DLG2: variants seen among roughly 807,000 people sequenced by gnomAD.
DLG2 encodes the protein disks large homolog 2.
DLG2 carries 45 observed loss-of-function variants against 132.5 expected under a neutral mutation model. The ratio of observed to expected loss-of-function variants is 0.34; its 90% CI spans 0.27 to 0.44. DLG2 has a LOEUF of 0.44. Among genes scored for constraint, DLG2 ranks in the 20% least tolerant of loss-of-function variants. The probability of loss-of-function intolerance (pLI) is 1.00; values close to 1 mark genes in which losing one functional copy is unlikely to be tolerated. For missense variants in DLG2, 1,045 were observed against 1,196.9 expected (o/e 0.87, Z 1.87); for synonymous variants, 424 against 419.6 (o/e 1.01, Z -0.13).
intron 6 of DLG2, among the ~76,000 whole-genome samples, chr11:84,879,662 C>T (rs2086971021): frequency 6.6e-6 from 1 of 152,066 alleles, no homozygotes. Flanking sequence ...GTTTTTAGGG[C>T]TAGGACGTTC....
chr11:85,367,604 A>T (rs2152911134), intron 3 of DLG2, among the ~76,000 whole-genome samples: 1 of 152,286 alleles, frequency 6.6e-6, no homozygotes, highest in Non-Finnish European at 1.5e-5. Flanking sequence ...TCATATGCTA[A>T]TTATGTGCAT....
intron 6 of DLG2, among the ~76,000 whole-genome samples, chr11:85,030,693 T>C (rs1230460732): frequency 1.3e-5 from 2 of 152,210 alleles, no homozygotes; most frequent in Non-Finnish European, 1.5e-5. Context: ...ATAATCCATA[T>C]GTAATCATGA....
intron 6 of DLG2, among the ~76,000 whole-genome samples, chr11:85,008,569 A>T (rs2058894931): frequency 6.6e-6 from 1 of 152,152 alleles, no homozygotes; most frequent in Non-Finnish European, 1.5e-5. Context: ...GTATATTTTA[A>T]CTCAATTAAA....
At chr11:83,633,781 C>CACA (rs1491279264) in intron 18 of DLG2, among the ~76,000 whole-genome samples, 4 of 146,082 alleles carry the variant, frequency 2.7e-5, no homozygotes, top group Non-Finnish European at 6.0e-5. Context: ...CACACACACA[C>CACA]AACTGCGGAA....
chr11:85,347,283 G>T (rs569667934), intron 3 of DLG2, among the ~76,000 whole-genome samples: 2 of 152,006 alleles, frequency 1.3e-5, no homozygotes, highest in Non-Finnish European at 2.9e-5. Context: ...AGCACAGGGA[G>T]GGGCTCTCTC....
intron 19 of DLG2, among the ~76,000 whole-genome samples, chr11:83,564,552 A>G (rs1468635117): frequency 6.6e-6 from 1 of 152,240 alleles, no homozygotes; most frequent in Non-Finnish European, 1.5e-5. Context: ...CAGGTAACAT[A>G]TGGGGATGCA....
At chr11:85,255,597 A>G (rs1396857658) in intron 4 of DLG2, among the ~76,000 whole-genome samples, 1 of 152,218 alleles carries the variant, frequency 6.6e-6, no homozygotes, top group Non-Finnish European at 1.5e-5. Flanking sequence ...TGCCCCTGAT[A>G]AGGCAATCTA....
At chr11:85,530,171 T>A (rs1332437397) in intron 3 of DLG2, among the ~76,000 whole-genome samples, 1 of 150,850 alleles carries the variant, frequency 6.6e-6, no homozygotes, top group Non-Finnish European at 1.5e-5. Flanking sequence ...TAATTTTGGA[T>A]TTTTAGTAGA....
intron 5 of DLG2, among the ~76,000 whole-genome samples, chr11:85,153,842 T>G (rs2077420649): frequency 6.6e-6 from 1 of 152,106 alleles, no homozygotes; most frequent in Non-Finnish European, 1.5e-5. Flanking sequence ...CACATTAAAA[T>G]TTCAAAAGTA....
At chr11:83,569,058 T>C (rs999628371) in intron 19 of DLG2, among the ~76,000 whole-genome samples, 1 of 152,184 alleles carries the variant, frequency 6.6e-6, no homozygotes, top group Admixed American at 6.6e-5. Context: ...CAGTTTCAGG[T>C]ATACCATCAG....
chr11:84,189,464 A>G (rs990767244), intron 8 of DLG2, among the ~76,000 whole-genome samples: 3 of 152,214 alleles, frequency 2.0e-5, no homozygotes, highest in African/African-American at 7.2e-5. Context: ...CAGCAATCCA[A>G]TTACTGGGTA....
rs573586582 is a variant in DLG2 at position 85,039,865 on chromosome 11, TTGAA to T, written c.357+71792_357+71795del. On this transcript the variant is annotated intron_variant, in intron 6 of 27. Coordinates refer to ENST00000376104, the MANE Select transcript of DLG2 (RefSeq NM_001142699.3). Reference sequence around the variant, plus strand: ...CTTGGTAAGACTCTTTAAATTTTGGTTGAATGAATGAATTTCCATAGATACTGTC... The same window carrying T: ...CTTGGTAAGACTCTTTAAATTTTGGTTGAATGAATTTCCATAGATACTGTC... 1.3e-3 allele frequency among the ~76,000 whole-genome samples: 191 copies of T among 152,034 alleles called. 1 individual carries two copies. The highest frequency in any genetic ancestry group is 4.5e-3 in the African/African-American group (186 of 41,530).
At chr11:85,089,174 T>A (rs144322804) in intron 6 of DLG2, among the ~76,000 whole-genome samples, 4 of 152,136 alleles carry the variant, frequency 2.6e-5, no homozygotes, top group Non-Finnish European at 5.9e-5. Flanking sequence ...TGTGCAGGTA[T>A]GTTACATGCA....
rs149578925 is a variant in DLG2, at chr11:84,370,664, G to A, written c.520-119373C>T. Among the ~76,000 whole-genome samples the A allele has an allele frequency of 3.0e-3, 463 of 152,234 alleles. 3 individuals carry two copies. The highest frequency in any genetic ancestry group is 0.011 in the African/African-American group (446 of 41,542). On this transcript the variant is annotated intron_variant, in intron 7 of 27. Coordinates refer to ENST00000376104, the MANE Select transcript of DLG2 (RefSeq NM_001142699.3). ...TCTTTTATTAGCATTAATAACATATGTGTGTATTCTCTCCCACAAGAGTAC... is the reference window on the plus strand; with the variant it reads ...TCTTTTATTAGCATTAATAACATATATGTGTATTCTCTCCCACAAGAGTAC...
At chr11:83,466,619 G>T in intron 26 of DLG2, 89 bp downstream of exon 26, 2 of 668,202 alleles carry the variant, frequency 3.0e-6, no homozygotes, top group Non-Finnish European at 5.3e-6. Context: ...CCATTTGTAA[G>T]CATTCCCAGC....
Position 85,575,121 on chromosome 11 carries a change from T to C in DLG2, c.40+23536A>G, listed in dbSNP as rs1317523398. ...ATAAGTCAGACCCTATTATTATTAT[T>C]CTCAAAATCTGGATTCCTACCTCAT... On this transcript the variant is annotated intron_variant, in intron 3 of 27. Transcript: ENST00000376104. Among the ~76,000 whole-genome samples the C allele has an allele frequency of 2.0e-5, 3 of 151,752 alleles. No individual in the cohort carries two copies. The East Asian group carries it at 5.8e-4, about 29-fold the overall frequency.
intron 7 of DLG2, among the ~76,000 whole-genome samples, chr11:84,372,800 T>C (rs1023796881): frequency 2.0e-5 from 3 of 152,168 alleles, no homozygotes; most frequent in Non-Finnish European, 2.9e-5. Context: ...GTAAACAATG[T>C]TGAATGTTAT....
intron 3 of DLG2, among the ~76,000 whole-genome samples, chr11:85,527,843 T>A (rs1361701829): frequency 2.6e-5 from 4 of 152,182 alleles, no homozygotes; most frequent in African/African-American, 9.6e-5. Flanking sequence ...TTTCTCCACA[T>A]CCTCACCAGC....
chr11:84,493,785 A>G (rs926749578), intron 7 of DLG2, among the ~76,000 whole-genome samples: 1 of 152,154 alleles, frequency 6.6e-6, no homozygotes, highest in Non-Finnish European at 1.5e-5. Flanking sequence ...GCTTAGAACA[A>G]TGGCTGGCAT....
Sources: allele counts gnomAD v4.1 joint callset (sites outside exome capture counted in the v4.1 genomes callset), GRCh38; gene constraint gnomAD v4.1.1; transcripts MANE v1.5; gene names NCBI Gene and HGNC (gene_info 2026-07-23, HGNC 2026-07-21).